The following ENPP2 variants were observed in gnomAD, a reference collection of about 807,000 sequenced individuals.
ENPP2 encodes the protein autotaxin.
In ENPP2, 51 loss-of-function variants were observed where a neutral mutation model predicts 120.2. The ratio of observed to expected loss-of-function variants is 0.42; its 90% CI spans 0.34 to 0.54. The LOEUF is 0.54. Ranked by LOEUF, ENPP2 falls within the 20% of genes least tolerant of loss-of-function variation. The pLI is 0.04. For synonymous variants in ENPP2, 365 were observed against 366.4 expected, an observed-to-expected ratio of 1.00 and a Z score of 0.04; for missense variants, 920 against 1,066.5, an observed-to-expected ratio of 0.86 and a Z score of 1.91.
At position 119,582,493 on chromosome 8, in the gene ENPP2, G is replaced by A. The variant is rs766153232; in HGVS notation, c.1653C>T (p.Pro551=). The change falls in exon 18 of 25, where the codon CCC becomes CCT. Residue 551 remains proline, a synonymous_variant. Transcript: ENST00000075322. ...GAAGGTACATAATCCCTGGATAATT[G>A]GGTCTGGTAACTTCCTCTGGCATGG... is the stretch of plus-strand genomic sequence containing the variant. ...RPTMPEEVTR[P]NYPGIMYLQS... The A allele has an allele frequency of 4.3e-6, 7 of 1,613,962 alleles. No individual in the cohort carries two copies. The East Asian group carries it at 1.3e-4, about 31-fold the overall frequency.
chr8:119,568,791 G>T (rs779412406), intron 21 of ENPP2, among the ~76,000 whole-genome samples: 1 of 152,048 alleles, frequency 6.6e-6, no homozygotes, highest in Non-Finnish European at 1.5e-5. Flanking sequence ...TAGAGACAAG[G>T]TCTTGCTATG....
chr8:119,569,446 C>T, intron 20 of ENPP2, 76 bp from the exon 21 acceptor site: 1 of 1,408,306 alleles, frequency 7.1e-7, no homozygotes, highest in African/African-American at 1.4e-5. Flanking sequence ...CCTCTGGCTT[C>T]TCCTATGCTT....
At position 119,586,180 on chromosome 8, in the gene ENPP2, A is replaced by G. The variant is rs1391161064; in HGVS notation, c.1367+6T>C. 2.5e-6 allele frequency: 4 copies of G among 1,613,790 alleles called. No homozygotes were observed. Among genetic ancestry groups the G allele is most frequent in the African/African-American group, 2.7e-5 (2 of 75,054 alleles). On this transcript the variant is annotated splice_donor_region_variant and intron_variant, in intron 15 of 24. Coordinates refer to ENST00000075322, the MANE Select transcript of ENPP2 (RefSeq NM_001040092.3). ...GAGAAACAGAAATAGCCCATATACC[A>G]GTTACCTTGCAACATGCCATCTGCG...
intron 11 of ENPP2, chr8:119,595,726 A>G: frequency 1.1e-6 from 1 of 892,064 alleles, no homozygotes; most frequent in Non-Finnish European, 1.8e-6. Context: ...ACTCAAAGCC[A>G]AGGTCAATGC....
intron 20 of ENPP2, 49 bp from the exon 21 acceptor site, chr8:119,569,419 CG>C: frequency 6.3e-7 from 1 of 1,595,072 alleles, no homozygotes; most frequent in Non-Finnish European, 8.6e-7. Context: ...CTGTTACGAA[CG>C]GCTGAAATCA....
intron 9 of ENPP2, among the ~76,000 whole-genome samples, chr8:119,604,195 T>G (rs1814527689): frequency 6.6e-6 from 1 of 151,900 alleles, no homozygotes; most frequent in South Asian, 2.1e-4. Context: ...GCCTGGCTAA[T>G]TTTTGTATTT....
intron 1 of ENPP2, among the ~76,000 whole-genome samples, chr8:119,658,338 A>G (rs1817826431): frequency 6.6e-6 from 1 of 152,196 alleles, no homozygotes; most frequent in Non-Finnish European, 1.5e-5. Context: ...TGGTGCAATC[A>G]TAGCTAACTT....
Position 119,600,746 on chromosome 8 carries a change from A to G in ENPP2, c.904T>C (p.Ser302Pro), listed in dbSNP as rs1428139135. Reference sequence around the variant, plus strand: ...TGCTCAGAATAGAAGGCATAGACCGAAGGCCTATAAGAAAATTGGAAGGTT... The same window carrying G: ...TGCTCAGAATAGAAGGCATAGACCGGAGGCCTATAAGAAAATTGGAAGGTT... Reference protein sequence around the residue: ...WLTLPDHERPSVYAFYSEQPD... With the variant: ...WLTLPDHERPPVYAFYSEQPD... The change falls in exon 11 of 25, where the codon TCG becomes CCG. Residue 302 changes from serine to proline, a missense_variant. Transcript: ENST00000075322. The G allele has an allele frequency of 1.9e-6, 3 of 1,599,734 alleles. No homozygotes were observed. Among genetic ancestry groups the G allele is most frequent in the Non-Finnish European group, 2.6e-6 (3 of 1,167,076 alleles).
At chr8:119,593,089 G>A in intron 12 of ENPP2, 1 of 208,544 alleles carries the variant, frequency 4.8e-6, no homozygotes, top group Non-Finnish European at 8.4e-6. Flanking sequence ...CCCACCCCCT[G>A]CACAGCTCTA....
At chr8:119,622,248 G>A (rs775287510) in intron 3 of ENPP2, among the ~76,000 whole-genome samples, 3 of 152,116 alleles carry the variant, frequency 2.0e-5, no homozygotes, top group Non-Finnish European at 4.4e-5. Flanking sequence ...TGTGCTTAGC[G>A]TTAATCAGTG....
At chr8:119,583,307 G>A (rs1812877972) in intron 17 of ENPP2, among the ~76,000 whole-genome samples, 2 of 152,166 alleles carry the variant, frequency 1.3e-5, no homozygotes, top group African/African-American at 2.4e-5. Context: ...GAAGTTCAAG[G>A]AAGAAAAATA....
intron 1 of ENPP2, among the ~76,000 whole-genome samples, chr8:119,649,005 A>G (rs1469306210): frequency 1.3e-5 from 2 of 152,236 alleles, no homozygotes; most frequent in African/African-American, 4.8e-5. Flanking sequence ...AGTGAAACTA[A>G]TGAGTTCATG....
intron 20 of ENPP2, 29 bp from the exon 21 acceptor site, chr8:119,569,399 T>A: frequency 6.2e-7 from 1 of 1,612,614 alleles, no homozygotes; most frequent in Admixed American, 1.7e-5. Flanking sequence ...CACTCAGCAA[T>A]GCCGTGGCTC....
chr8:119,610,490 A>AAGAGAGAGAG (rs60632673), intron 8 of ENPP2, among the ~76,000 whole-genome samples: 9 of 148,150 alleles, frequency 6.1e-5, no homozygotes, highest in African/African-American at 1.7e-4. Flanking sequence ...AAGGTTATAA[A>AAGAGAGAGAG]AGAGAGAGAG....
intron 19 of ENPP2, among the ~76,000 whole-genome samples, chr8:119,573,883 G>A (rs970035185): frequency 2.0e-5 from 3 of 152,152 alleles, no homozygotes; most frequent in Non-Finnish European, 4.4e-5. Context: ...GCAAGTTTTG[G>A]CACACAGCTG....
At chr8:119,670,460 G>A (rs936784064) in intron 1 of ENPP2, among the ~76,000 whole-genome samples, 2 of 152,294 alleles carry the variant, frequency 1.3e-5, no homozygotes, top group Non-Finnish European at 2.9e-5. Flanking sequence ...AATTCATTGA[G>A]CATCCCACCT....
rs774120571 is a variant in ENPP2 at position 119,595,978 on chromosome 8, T to C, written c.973-2118A>G. 5.0e-6 allele frequency: 8 copies of C among 1,613,968 alleles called. No homozygotes were observed. In the South Asian group the frequency reaches 6.6e-5, roughly 13 times the overall value. On this transcript the variant is annotated intron_variant, in intron 11 of 24. Coordinates refer to ENST00000075322, the MANE Select transcript of ENPP2 (RefSeq NM_001040092.3). ...TTCCTCTTAGGTCTCTTAGCCGGAGTAAAAGGTGAGCCATAACTACTCTCC... is the reference window on the plus strand; with the variant it reads ...TTCCTCTTAGGTCTCTTAGCCGGAGCAAAAGGTGAGCCATAACTACTCTCC...
rs115931647 is a variant in ENPP2 at position 119,594,657 on chromosome 8, T to C, written c.973-797A>G. 1.5e-3 allele frequency among the ~76,000 whole-genome samples: 223 copies of C among 152,334 alleles called. 1 individual carries two copies. Among genetic ancestry groups the C allele is most frequent in the African/African-American group, 5.1e-3 (211 of 41,572 alleles). Reference sequence around the variant, plus strand: ...TAACAGCATGAATGTCCTCACATACTAGAGGCTCTCCATCCCCCTTTCATC... The same window carrying C: ...TAACAGCATGAATGTCCTCACATACCAGAGGCTCTCCATCCCCCTTTCATC... On this transcript the variant is annotated intron_variant, in intron 11 of 24. Transcript: ENST00000075322.
Position 119,564,875 on chromosome 8 carries a change from T to C in ENPP2, c.2212A>G (p.Ile738Val), listed in dbSNP as rs763238987. 3.7e-6 allele frequency: 6 copies of C among 1,613,370 alleles called. No individual in the cohort carries two copies. The South Asian group carries it at 4.4e-5, about 12-fold the overall frequency. ...AAGCCATCATAGTCATAGTCGAAGA[T>C]TGGTCCACTTATCACGTTAACTCCA... ...RNGVNVISGP[I>V]FDYDYDGLHD... is the part of the protein sequence containing the mutation. The change falls in exon 23 of 25, where the codon ATC becomes GTC. Residue 738 changes from isoleucine to valine, a missense_variant. Physicochemically the swap from Ile to Val is conservative, Grantham distance 29. Coordinates refer to ENST00000075322, the MANE Select transcript of ENPP2 (RefSeq NM_001040092.3).
Sources: allele counts gnomAD v4.1 joint callset (sites outside exome capture counted in the v4.1 genomes callset), GRCh38; gene constraint gnomAD v4.1.1; transcripts MANE v1.5; gene names NCBI Gene and HGNC (gene_info 2026-07-23, HGNC 2026-07-21).